The following SHTN1 variants were observed in gnomAD, a reference collection of about 807,000 sequenced individuals.
The protein encoded by SHTN1 is shootin-1.
A neutral mutation model predicts 83.1 loss-of-function variants in SHTN1; 42 were observed. The observed-to-expected ratio is 0.51, with a 90% confidence interval of 0.39 to 0.65. The LOEUF (loss-of-function observed/expected upper bound fraction) is 0.65, where lower values mean the gene tolerates loss of function less well. SHTN1 is among the 30% of genes least tolerant of loss of function. SHTN1 has a pLI of 0.00. For synonymous variants in SHTN1, 224 were observed against 247.7 expected (o/e 0.90, Z 0.90); for missense variants, 622 against 737.8 (o/e 0.84, Z 1.82).
rs151051300 is a variant in SHTN1, at chr10:117,018,239, T to C, written c.-123+30206A>G. On this transcript the variant is annotated intron_variant, in intron 2 of 17. Coordinates refer to the SHTN1 transcript ENST00000392901. ...GTGGTTATGTACCCAGTGGGCTGGGTGAAGAGTATACAAGAATTCTAGGTA... is the reference window on the plus strand; with the variant it reads ...GTGGTTATGTACCCAGTGGGCTGGGCGAAGAGTATACAAGAATTCTAGGTA... Among the ~76,000 whole-genome samples the C allele has an allele frequency of 1.2e-3, 188 of 152,306 alleles. 2 individuals are homozygous for C. The highest frequency in any genetic ancestry group is 4.2e-3 in the African/African-American group (176 of 41,570).
At chr10:116,996,814 A>C (rs113760946) in intron 1 of SHTN1, among the ~76,000 whole-genome samples, 4 of 152,322 alleles carry the variant, frequency 2.6e-5, no homozygotes, top group African/African-American at 9.6e-5. Flanking sequence ...CAATATACTT[A>C]AATCTGTTCT....
chr10:116,904,803 T>C (rs1847894781), intron 15 of SHTN1, among the ~76,000 whole-genome samples: 1 of 152,180 alleles, frequency 6.6e-6, no homozygotes, highest in African/African-American at 2.4e-5. Context: ...TTGACCAAAT[T>C]TGTGAGTGAA....
chr10:116,932,523 T>G lies in SHTN1; in HGVS notation c.859-2521A>C, dbSNP rs933817499. Among the ~76,000 whole-genome samples, 3 of 152,314 alleles carry G rather than the reference T, an allele frequency of 2.0e-5. No homozygotes were observed. The East Asian group carries it at 5.8e-4, about 29-fold the overall frequency. On this transcript the variant is annotated intron_variant, in intron 9 of 16. Coordinates refer to ENST00000355371, the MANE Select transcript of SHTN1 (RefSeq NM_001127211.3). ...TGTCTTCCACGAAACTGGTCCCTAGTGCCAAAAAGATTGGGGATTGATGCT... is the reference window on the plus strand; with the variant it reads ...TGTCTTCCACGAAACTGGTCCCTAGGGCCAAAAAGATTGGGGATTGATGCT...
In SHTN1 at chr10:116,992,505, G is replaced by A. The variant is rs149377062; in HGVS notation, c.58+12517C>T. 8.5e-5 allele frequency among the ~76,000 whole-genome samples: 13 copies of A among 152,306 alleles called. No homozygotes were observed. The East Asian group carries it at 2.3e-3, about 27-fold the overall frequency. Reference sequence around the variant, plus strand: ...AGGACATTGAAATCAGTACTGTCCTGCACTTAAGAAGGAAAAGCTGAAATA... The same window carrying A: ...AGGACATTGAAATCAGTACTGTCCTACACTTAAGAAGGAAAAGCTGAAATA... On this transcript the variant is annotated intron_variant, in intron 1 of 16. Transcript: ENST00000355371.
chr10:117,103,953 A>G (rs755874996), intron 1 of SHTN1, among the ~76,000 whole-genome samples: 3 of 152,200 alleles, frequency 2.0e-5, no homozygotes, highest in Non-Finnish European at 4.4e-5. Context: ...AGCAATTAGT[A>G]TTACTAGATT....
At chr10:117,115,011 T>C (rs1197135168) in intron 1 of SHTN1, among the ~76,000 whole-genome samples, 2 of 152,218 alleles carry the variant, frequency 1.3e-5, no homozygotes, top group African/African-American at 2.4e-5. Context: ...AAATTTGAAA[T>C]GAAGACGGTG....
At chr10:117,022,558 T>G (rs1852278844) in intron 2 of SHTN1, among the ~76,000 whole-genome samples, 1 of 152,092 alleles carries the variant, frequency 6.6e-6, no homozygotes, top group Non-Finnish European at 1.5e-5. Flanking sequence ...TAAACAAAAC[T>G]CACACAACAA....
chr10:116,901,664 G>C (rs1485386614), intron 16 of SHTN1, 101 bp downstream of exon 16: 1 of 1,358,700 alleles, frequency 7.4e-7, no homozygotes. Context: ...TTACCGGCGA[G>C]CCAATCAAAA....
intron 1 of SHTN1, among the ~76,000 whole-genome samples, chr10:116,984,802 T>C (rs1589869257): frequency 6.6e-6 from 1 of 152,154 alleles, no homozygotes; most frequent in East Asian, 1.9e-4. Flanking sequence ...TTTAGAAACT[T>C]CAAAAGACCT....
chr10:117,103,530 C>CTTTTTTTTTTTTTTTTTTTT (rs35229163), intron 1 of SHTN1, among the ~76,000 whole-genome samples: 1 of 77,540 alleles, frequency 1.3e-5, no homozygotes, highest in Non-Finnish European at 2.2e-5. Context: ...CCTCCCCTCT[C>CTTTTTTTTTTTTTTTTTTTT]TTTTTTTTTT....
chr10:117,010,759 T>C (rs1852091724), intron 2 of SHTN1, among the ~76,000 whole-genome samples: 1 of 152,212 alleles, frequency 6.6e-6, no homozygotes, highest in Non-Finnish European at 1.5e-5. Context: ...ATTCCAGGAA[T>C]GCAAAAGTGG....
At chr10:117,019,114 G>T (rs982103255) in intron 2 of SHTN1, among the ~76,000 whole-genome samples, 1 of 128,896 alleles carries the variant, frequency 7.8e-6, no homozygotes, top group East Asian at 2.0e-4. Context: ...CTATGAAATT[G>T]CAACTAATGA....
rs922766531 is a variant in SHTN1, at chr10:116,954,479, C to A, written c.268-269G>T. 2.6e-5 allele frequency among the ~76,000 whole-genome samples: 4 copies of A among 152,248 alleles called. No homozygotes were observed. The East Asian group carries it at 7.7e-4, about 29-fold the overall frequency. On this transcript the variant is annotated intron_variant, in intron 4 of 16. Transcript: ENST00000355371. Reference sequence around the variant, plus strand: ...AAGGAACTAAGATAAAACACCAGTACAGATTAAATAAAATTCTGATTTATA... The same window carrying A: ...AAGGAACTAAGATAAAACACCAGTAAAGATTAAATAAAATTCTGATTTATA...
At chr10:116,923,169 G>C (rs1848624395) in intron 11 of SHTN1, among the ~76,000 whole-genome samples, 1 of 152,018 alleles carries the variant, frequency 6.6e-6, no homozygotes, top group South Asian at 2.1e-4. Context: ...GGAGGAAGGT[G>C]GTTATCTTTG....
intron 1 of SHTN1, among the ~76,000 whole-genome samples, chr10:116,984,575 A>C (rs1185038645): frequency 1.3e-5 from 2 of 152,064 alleles, no homozygotes; most frequent in Non-Finnish European, 1.5e-5. Flanking sequence ...CTGCAGGATC[A>C]CCCTTGAGTT....
intron 1 of SHTN1, among the ~76,000 whole-genome samples, chr10:116,982,516 C>CT (rs1379853333): frequency 2.0e-5 from 3 of 152,152 alleles, no homozygotes; most frequent in East Asian, 3.9e-4. Flanking sequence ...TACTCAGCTC[C>CT]TTTTTGGCAA....
intron 4 of SHTN1, among the ~76,000 whole-genome samples, chr10:116,958,394 T>C (rs1041381705): frequency 6.6e-6 from 1 of 152,200 alleles, no homozygotes; most frequent in East Asian, 1.9e-4. Context: ...AAATAAACTA[T>C]ATGTTCATTT....
intron 1 of SHTN1, among the ~76,000 whole-genome samples, chr10:116,986,011 C>T (rs940443152): frequency 5.9e-5 from 9 of 152,022 alleles, no homozygotes; most frequent in African/African-American, 1.9e-4. Context: ...TTACGGCAAA[C>T]CAGAAATTTA....
At chr10:116,907,802 A>G in intron 14 of SHTN1, 1 of 483,044 alleles carries the variant, frequency 2.1e-6, no homozygotes, top group East Asian at 5.9e-5. Flanking sequence ...GCCAGACTTC[A>G]TGCCAGAGTC....
Sources: gnomAD v4.1 joint callset for allele counts (sites outside exome capture counted in the v4.1 genomes callset) on GRCh38, gnomAD v4.1.1 for gene constraint, MANE v1.5 for transcripts, NCBI Gene and HGNC (gene_info 2026-07-23, HGNC 2026-07-21) for gene names.